Variants in OLA1 observed in about 807,000 individuals in gnomAD.
OLA1 encodes the protein Obg like ATPase 1, also known as obg-like ATPase 1.
In OLA1, 14 loss-of-function variants were observed where a neutral mutation model predicts 48.4. That is an observed-to-expected ratio of 0.29 (90% CI 0.19 to 0.45). The LOEUF is 0.45. Ranked by LOEUF, OLA1 falls within the 20% of genes least tolerant of loss-of-function variation. The pLI is 1.00. For synonymous variants in OLA1, 127 were observed against 150.4 expected (o/e 0.84, Z 1.14); for missense variants, 325 against 467.1 (o/e 0.70, Z 2.80).
At chr2:174,157,215 G>C (rs982365576) in intron 4 of OLA1, among the ~76,000 whole-genome samples, 4 of 152,118 alleles carry the variant, frequency 2.6e-5, no homozygotes, top group African/African-American at 7.2e-5. Flanking sequence ...AAAGAGAATG[G>C]TGCCAGGAGC....
chr2:174,246,662 G>T, intron 2 of OLA1, 53 bp downstream of exon 2: 1 of 1,181,866 alleles, frequency 8.5e-7, no homozygotes, highest in Non-Finnish European at 1.3e-6. Flanking sequence ...TTCTACAATA[G>T]GACCCAAAAT....
At chr2:174,170,121 T>C (rs1687260764) in intron 4 of OLA1, among the ~76,000 whole-genome samples, 1 of 152,192 alleles carries the variant, frequency 6.6e-6, no homozygotes, top group African/African-American at 2.4e-5. Context: ...TAGTCCCAGC[T>C]ACTCCAGAGG....
chr2:174,100,890 C>T (rs1458492227), intron 7 of OLA1, among the ~76,000 whole-genome samples: 1 of 152,136 alleles, frequency 6.6e-6, no homozygotes, highest in Non-Finnish European at 1.5e-5. Flanking sequence ...ATGATTTCCA[C>T]AGCAAAAATA....
At chr2:174,113,269 G>A (rs571058451) in intron 7 of OLA1, among the ~76,000 whole-genome samples, 11 of 152,008 alleles carry the variant, frequency 7.2e-5, no homozygotes, top group African/African-American at 2.7e-4. Context: ...AACAAATTAT[G>A]GTTTGCTATA....
At chr2:174,182,475 G>A (rs895076577) in intron 4 of OLA1, among the ~76,000 whole-genome samples, 4 of 152,020 alleles carry the variant, frequency 2.6e-5, no homozygotes, top group African/African-American at 4.8e-5. Context: ...GTGGTGAGCC[G>A]AGATCGTGCC....
intron 7 of OLA1, among the ~76,000 whole-genome samples, chr2:174,122,163 G>A (rs752001882): frequency 3.9e-5 from 6 of 152,108 alleles, no homozygotes; most frequent in African/African-American, 9.7e-5. Flanking sequence ...TACCAATAAA[G>A]AGGCTAAATT....
intron 1 of OLA1, chr2:174,247,894 T>C (rs1689162241): frequency 3.3e-6 from 4 of 1,200,674 alleles, no homozygotes; most frequent in Non-Finnish European, 3.5e-6. Context: ...GACTGCAAAG[T>C]GAAATCACAA....
intron 7 of OLA1, among the ~76,000 whole-genome samples, chr2:174,109,423 TA>T (rs1376015115): frequency 6.6e-6 from 1 of 152,188 alleles, no homozygotes; most frequent in African/African-American, 2.4e-5. Flanking sequence ...TCACATACCA[TA>T]ATCATGAACT....
chr2:174,075,632 T>G, intron 10 of OLA1, 105 bp from the exon 11 acceptor site: 1 of 677,402 alleles, frequency 1.5e-6, no homozygotes, highest in Non-Finnish European at 2.5e-6. Flanking sequence ...TTGGGTGATA[T>G]AAAAAAAGAA....
At chr2:174,204,839 C>T (rs940598290) in intron 4 of OLA1, among the ~76,000 whole-genome samples, 3 of 152,058 alleles carry the variant, frequency 2.0e-5, no homozygotes, top group African/African-American at 7.2e-5. Context: ...GATTTTTTGA[C>T]AAATTTTTAA....
chr2:174,138,330 C>G (rs2105377687), intron 5 of OLA1, among the ~76,000 whole-genome samples: 1 of 152,186 alleles, frequency 6.6e-6, no homozygotes, highest in South Asian at 2.1e-4. Flanking sequence ...CACAGACAAC[C>G]CGGGAGAGGG....
chr2:174,226,546 C>T (rs1211362305), intron 3 of OLA1, among the ~76,000 whole-genome samples: 1 of 151,654 alleles, frequency 6.6e-6, no homozygotes, highest in East Asian at 1.9e-4. Flanking sequence ...GTTGCCCAGG[C>T]TGGAGTGTAA....
At chr2:174,222,324 C>T (rs1038317229) in intron 4 of OLA1, among the ~76,000 whole-genome samples, 2 of 152,078 alleles carry the variant, frequency 1.3e-5, no homozygotes, top group African/African-American at 4.8e-5. Flanking sequence ...AGTTGAGGAC[C>T]AGAAACAAAT....
At chr2:174,247,616 C>G in intron 1 of OLA1, 1 of 1,549,002 alleles carries the variant, frequency 6.5e-7, no homozygotes. Flanking sequence ...AATCTGGAAT[C>G]TTATCTTTCC....
intron 4 of OLA1, among the ~76,000 whole-genome samples, chr2:174,215,058 A>C (rs1474992067): frequency 1.3e-5 from 2 of 152,110 alleles, no homozygotes; most frequent in East Asian, 3.8e-4. Context: ...AAAAAAAAAA[A>C]AAAGAATTTT....
At chr2:174,129,714 T>A (rs1324071237) in intron 5 of OLA1, among the ~76,000 whole-genome samples, 1 of 152,000 alleles carries the variant, frequency 6.6e-6, no homozygotes. Context: ...AACCAACAAA[T>A]ATCACTGTTA....
At chr2:174,106,443 TGCA>T (rs1685516842) in intron 7 of OLA1, among the ~76,000 whole-genome samples, 1 of 152,132 alleles carries the variant, frequency 6.6e-6, no homozygotes, top group Non-Finnish European at 1.5e-5. Context: ...ATTACTCAAT[TGCA>T]TGCAAATAGA....
chr2:174,222,421 C>T (rs1214807821), intron 4 of OLA1, among the ~76,000 whole-genome samples: 4 of 152,066 alleles, frequency 2.6e-5, no homozygotes, highest in African/African-American at 9.7e-5. Context: ...ACTATTAACA[C>T]AAAGTACAGC....
intron 4 of OLA1, among the ~76,000 whole-genome samples, chr2:174,160,425 A>G (rs929599798): frequency 1.3e-5 from 2 of 152,212 alleles, no homozygotes; most frequent in African/African-American, 2.4e-5. Context: ...TCAATTTTTT[A>G]AAAATTGCTA....
Sources: allele counts gnomAD v4.1 joint callset (sites outside exome capture counted in the v4.1 genomes callset), GRCh38; gene constraint gnomAD v4.1.1; transcripts MANE v1.5; gene names NCBI Gene and HGNC (gene_info 2026-07-23, HGNC 2026-07-21).